Variants in CPNE7 observed in about 807,000 individuals in gnomAD.
The protein encoded by CPNE7 is copine 7, also known as copine-7.
CPNE7 carries 78 observed loss-of-function variants against 66.5 expected under a neutral mutation model. The observed-to-expected ratio is 1.17, with a 90% CI of 0.98 to 1.42. CPNE7 has a LOEUF of 1.42. Ranked by LOEUF, CPNE7 falls within the 40% of genes most tolerant of loss-of-function variation. The probability of loss-of-function intolerance (pLI) is 0.00; values close to 1 mark genes in which losing one functional copy is unlikely to be tolerated. For missense variants in CPNE7, 1,012 were observed against 776.6 expected, an observed-to-expected ratio of 1.30 and a Z score of -3.60; for synonymous variants, 468 against 336.7, an observed-to-expected ratio of 1.39 and a Z score of -4.27.
At chr16:89,595,235 C>G (rs1392112719) in intron 13 of CPNE7, 132 bp from the exon 14 acceptor site, 2 of 692,884 alleles carry the variant, frequency 2.9e-6, no homozygotes, top group Non-Finnish European at 2.5e-6. Context: ...ATGTAGGCAT[C>G]ACACTCTGAA....
rs2059163217 is a variant in CPNE7 at position 89,591,198 on chromosome 16, G to T, written c.1240G>T (p.Ala414Ser). Residue 414 changes from alanine (A) to serine (S), a missense_variant, in exon 13 of 15, where the codon GCG becomes TCG. Physicochemically the swap from Ala to Ser is moderately conservative, Grantham distance 99 (BLOSUM62 1). Transcript: ENST00000319518. ...RVQLYGPTNV[A>S]PIISKVARVA... The stretch of plus-strand genomic sequence containing the variant: ...CCAGCTCTACGGCCCCACCAACGTG[G>T]CGCCCATCATCTCCAAGGTGGCACG... 2 of 1,598,050 alleles carry T rather than the reference G, an allele frequency of 1.3e-6. No individual in the cohort carries two copies. Among genetic ancestry groups the T allele is most frequent in the Admixed American group, 1.8e-5 (1 of 57,108 alleles).
intron 2 of CPNE7, among the ~76,000 whole-genome samples, chr16:89,581,843 AC>A (rs2058963296): frequency 1.3e-5 from 2 of 152,174 alleles, no homozygotes; most frequent in Admixed American, 1.3e-4. Context: ...CAGGGGTCTC[AC>A]CATGTTGCCC....
chr16:89,589,854 C>T, intron 10 of CPNE7, 43 bp from the exon 11 acceptor site: 1 of 1,611,556 alleles, frequency 6.2e-7, no homozygotes, highest in Non-Finnish European at 8.5e-7. Flanking sequence ...GTTGCAGCCA[C>T]AAGAGGTCAG....
chr16:89,583,936 G>GGGT, intron 3 of CPNE7, 92 bp from the exon 4 acceptor site: 1 of 1,521,646 alleles, frequency 6.6e-7, no homozygotes, highest in Non-Finnish European at 9.0e-7. Flanking sequence ...AGGCCCCGCT[G>GGGT]GGTGGGGTCA....
At chr16:89,593,130 T>A (rs7184767) in intron 13 of CPNE7, among the ~76,000 whole-genome samples, 57,098 of 151,748 alleles carry the variant, frequency 0.38, 11,902 homozygotes, top group East Asian at 0.82. Context: ...AACCATTTTA[T>A]TGTATCCAGT....
chr16:89,596,649 G>T lies in CPNE7; in HGVS notation c.*28G>T. On this transcript the variant is annotated 3_prime_UTR_variant, in exon 15 of 15. Transcript: ENST00000319518. ...ATGTGGAGGGCGTAGGGTGGGGGCAGTGAGGAATGGGTCCGTACAGCCTCT... is the reference window on the plus strand; with the variant it reads ...ATGTGGAGGGCGTAGGGTGGGGGCATTGAGGAATGGGTCCGTACAGCCTCT... 6.4e-6 allele frequency: 10 copies of T among 1,570,032 alleles called. No homozygotes were observed. The highest frequency in any genetic ancestry group is 8.6e-6 in the Non-Finnish European group (10 of 1,165,340).
At chr16:89,595,870 G>A (rs957779291) in intron 14 of CPNE7, 13 of 619,490 alleles carry the variant, frequency 2.1e-5, no homozygotes, top group Non-Finnish European at 3.6e-5. Flanking sequence ...CCACCACGCG[G>A]CTTCCCCCGT....
At chr16:89,582,561 C>T (rs2058971826) in intron 2 of CPNE7, among the ~76,000 whole-genome samples, 1 of 152,204 alleles carries the variant, frequency 6.6e-6, no homozygotes, top group Non-Finnish European at 1.5e-5. Context: ...TCTTGGGGGG[C>T]CTGGCCCGAG....
intron 5 of CPNE7, among the ~76,000 whole-genome samples, 188 bp from the exon 6 acceptor site, chr16:89,585,276 G>T (rs1262809124): frequency 6.6e-6 from 1 of 152,190 alleles, no homozygotes; most frequent in Non-Finnish European, 1.5e-5. Flanking sequence ...GTGTCTCCCG[G>T]GTCCTCACAT....
At chr16:89,591,535 G>A (rs753068941) in intron 13 of CPNE7, among the ~76,000 whole-genome samples, 2 of 152,224 alleles carry the variant, frequency 1.3e-5, no homozygotes, top group Non-Finnish European at 2.9e-5. Flanking sequence ...CCACAAGGCC[G>A]CGCACATGTC....
intron 13 of CPNE7, among the ~76,000 whole-genome samples, chr16:89,593,416 G>C (rs554090424): frequency 6.6e-6 from 1 of 151,040 alleles, no homozygotes; most frequent in Non-Finnish European, 1.5e-5. Context: ...GCAGTGGCGC[G>C]ATCTTGGTTC....
chr16:89,587,196 C>G (rs2059062557), intron 9 of CPNE7, 94 bp downstream of exon 9: 6 of 532,814 alleles, frequency 1.1e-5, no homozygotes, highest in Admixed American at 6.4e-5. Flanking sequence ...TCCCCGCCCC[C>G]TCAGTCTGTG....
intron 2 of CPNE7, among the ~76,000 whole-genome samples, chr16:89,580,174 G>C (rs1597694308): frequency 3.2e-5 from 1 of 31,542 alleles, no homozygotes. Context: ...GTCACCCGCT[G>C]ACACAGAACA....
At position 89,587,077 on chromosome 16, in the gene CPNE7, T is replaced by C. The variant is rs1203670588; in HGVS notation, c.902T>C (p.Met301Thr). 6.3e-7 allele frequency: 1 copy of C among 1,575,860 alleles called. No homozygotes were observed. Reference sequence around the variant, plus strand: ...GTGTACTCCTTCCTGGACTATATCATGGGCGGCTGCCAGATCCACTTCACC... The same window carrying C: ...GTGTACTCCTTCCTGGACTATATCACGGGCGGCTGCCAGATCCACTTCACC... Reference protein sequence around the residue: ...HRVYSFLDYIMGGCQIHFTVA... With the variant: ...HRVYSFLDYITGGCQIHFTVA... Residue 301 changes from methionine to threonine, a missense_variant, in exon 9 of 15, where the codon ATG becomes ACG. By Grantham distance (81) the Met-to-Thr change is moderately conservative (BLOSUM62 -1). Coordinates refer to ENST00000319518, the MANE Select transcript of CPNE7 (RefSeq NM_153636.3).
intron 14 of CPNE7, among the ~76,000 whole-genome samples, chr16:89,596,191 C>T (rs1388339745): frequency 6.6e-6 from 1 of 152,278 alleles, no homozygotes. Context: ...ATCACACAGA[C>T]ACGCTCAGGC....
chr16:89,582,429 A>G (rs1567954726), intron 2 of CPNE7, among the ~76,000 whole-genome samples: 1 of 152,214 alleles, frequency 6.6e-6, no homozygotes, highest in Admixed American at 6.5e-5. Flanking sequence ...TCCTGCCAGA[A>G]AGGGGAGGCC....
At chr16:89,594,534 G>A (rs2059222128) in intron 13 of CPNE7, among the ~76,000 whole-genome samples, 2 of 151,920 alleles carry the variant, frequency 1.3e-5, no homozygotes, top group African/African-American at 2.4e-5. Flanking sequence ...CTGCTCAGGC[G>A]AGCCCTGCTT....
chr16:89,591,100 G>T (rs772537864), intron 12 of CPNE7, 27 bp from the exon 13 acceptor site: 3 of 1,613,234 alleles, frequency 1.9e-6, no homozygotes, highest in Admixed American at 1.7e-5. Flanking sequence ...GTGCAGGGGG[G>T]CCGGGCTCAC....
At chr16:89,595,233 A>G in intron 13 of CPNE7, 134 bp from the exon 14 acceptor site, 2 of 685,836 alleles carry the variant, frequency 2.9e-6, no homozygotes, top group South Asian at 3.7e-5. Context: ...TGATGTAGGC[A>G]TCACACTCTG....
Sources: gnomAD v4.1 joint callset for allele counts (sites outside exome capture counted in the v4.1 genomes callset) on GRCh38, gnomAD v4.1.1 for gene constraint, MANE v1.5 for transcripts, NCBI Gene and HGNC (gene_info 2026-07-23, HGNC 2026-07-21) for gene names.